Variants in ELMO1 observed in about 807,000 individuals in gnomAD.
ELMO1 encodes the protein engulfment and cell motility protein 1.
ELMO1 carries 26 observed loss-of-function variants against 98.9 expected under a neutral mutation model. The observed-to-expected ratio is 0.26, with a 90% CI of 0.19 to 0.36. The LOEUF (loss-of-function observed/expected upper bound fraction) is 0.36, where lower values mean the gene tolerates loss of function less well. Ranked by LOEUF, ELMO1 falls within the 10% of genes least tolerant of loss-of-function variation. The pLI, the probability that ELMO1 is intolerant of heterozygous loss-of-function variation, is 1.00. For synonymous variants in ELMO1, 346 were observed against 346.0 expected, an observed-to-expected ratio of 1.00 and a Z score of 0.00; for missense variants, 627 against 935.2, an observed-to-expected ratio of 0.67 and a Z score of 4.30.
At chr7:36,921,969 T>C (rs557261885) in intron 16 of ELMO1, among the ~76,000 whole-genome samples, 1 of 152,184 alleles carries the variant, frequency 6.6e-6, no homozygotes, top group Non-Finnish European at 1.5e-5. Flanking sequence ...TTTTCCCTAT[T>C]CCCCATCAAA....
chr7:37,294,051 T>C (rs952816755), intron 4 of ELMO1, among the ~76,000 whole-genome samples: 3 of 152,160 alleles, frequency 2.0e-5, no homozygotes, highest in Non-Finnish European at 4.4e-5. Flanking sequence ...TTTTCTCTCA[T>C]TCAGATGGCA....
At chr7:37,045,441 G>C (rs1262099746) in intron 15 of ELMO1, among the ~76,000 whole-genome samples, 1 of 152,124 alleles carries the variant, frequency 6.6e-6, no homozygotes, top group East Asian at 1.9e-4. Flanking sequence ...CTGTTGCCCA[G>C]AACTTATATG....
chr7:37,117,777 G>A (rs927058203), intron 14 of ELMO1, among the ~76,000 whole-genome samples: 5 of 152,154 alleles, frequency 3.3e-5, no homozygotes, highest in African/African-American at 9.7e-5. Flanking sequence ...AATGAATTAT[G>A]AGACAAAGAA....
intron 16 of ELMO1, among the ~76,000 whole-genome samples, chr7:36,922,347 C>CAA (rs750588423): frequency 0.027 from 2,331 of 85,230 alleles, 50 homozygotes; most frequent in South Asian, 0.042. Context: ...CACAGACTTG[C>CAA]AAAAAAAAAA....
At chr7:37,385,853 C>A (rs1261440932) in intron 1 of ELMO1, among the ~76,000 whole-genome samples, 1 of 152,228 alleles carries the variant, frequency 6.6e-6, no homozygotes, top group Non-Finnish European at 1.5e-5. Flanking sequence ...TGAGGAACCA[C>A]CTGGAGAACA....
In ELMO1 at chr7:36,862,575, C is replaced by T. The variant is rs116432797; in HGVS notation, c.1906-839G>A. Reference sequence around the variant, plus strand: ...CATGCTGTACCAATACTGGGTAAGACGATCATTCTAGTGGTCTGAGCGGTC... The same window carrying T: ...CATGCTGTACCAATACTGGGTAAGATGATCATTCTAGTGGTCTGAGCGGTC... On this transcript the variant is annotated intron_variant, in intron 20 of 21. Transcript: ENST00000310758. Among the ~76,000 whole-genome samples, 657 of 152,322 alleles carry T rather than the reference C, an allele frequency of 4.3e-3. 2 individuals are homozygous for T. The highest frequency in any genetic ancestry group is 0.015 in the African/African-American group (630 of 41,570).
chr7:37,363,658 C>A (rs1472323605), intron 1 of ELMO1, among the ~76,000 whole-genome samples: 1 of 152,206 alleles, frequency 6.6e-6, no homozygotes, highest in Non-Finnish European at 1.5e-5. Flanking sequence ...CACTCTAAAG[C>A]ACACCTACCT....
chr7:37,171,722 G>C (rs1790180495), intron 13 of ELMO1, among the ~76,000 whole-genome samples: 1 of 151,866 alleles, frequency 6.6e-6, no homozygotes, highest in South Asian at 2.1e-4. Context: ...TCGATCTCCT[G>C]ACCTCGTGAT....
chr7:36,948,881 A>T (rs1029160821), intron 16 of ELMO1, among the ~76,000 whole-genome samples: 1 of 151,862 alleles, frequency 6.6e-6, no homozygotes. Flanking sequence ...TTTGAAATGG[A>T]GTCTCGCTCT....
At chr7:37,436,556 A>C (rs1805151801) in intron 1 of ELMO1, among the ~76,000 whole-genome samples, 1 of 152,224 alleles carries the variant, frequency 6.6e-6, no homozygotes, top group Non-Finnish European at 1.5e-5. Context: ...AGGGCATTTT[A>C]GTGTCTAGAT....
intron 1 of ELMO1, among the ~76,000 whole-genome samples, chr7:37,344,283 C>T (rs764781701): frequency 1.3e-5 from 2 of 152,182 alleles, no homozygotes; most frequent in African/African-American, 4.8e-5. Context: ...CTGCCCTCCC[C>T]GGCCTCCTGA....
intron 15 of ELMO1, among the ~76,000 whole-genome samples, chr7:37,026,822 G>T (rs553892060): frequency 6.6e-6 from 1 of 151,986 alleles, no homozygotes; most frequent in Non-Finnish European, 1.5e-5. Context: ...GGATTCCCAC[G>T]CCTGATTAGA....
intron 16 of ELMO1, among the ~76,000 whole-genome samples, chr7:37,008,560 C>T (rs921195458): frequency 6.6e-6 from 1 of 151,952 alleles, no homozygotes; most frequent in East Asian, 1.9e-4. Flanking sequence ...CAGGCTTTAT[C>T]TTATTCAGTA....
chr7:36,998,783 C>T (rs750332288), intron 16 of ELMO1, among the ~76,000 whole-genome samples: 2 of 151,936 alleles, frequency 1.3e-5, no homozygotes, highest in Non-Finnish European at 2.9e-5. Flanking sequence ...AGTCCTATTT[C>T]TCTTCTTTTG....
chr7:36,946,138 T>C (rs1057051648), intron 16 of ELMO1, among the ~76,000 whole-genome samples: 2 of 152,234 alleles, frequency 1.3e-5, no homozygotes, highest in Non-Finnish European at 2.9e-5. Flanking sequence ...AATCAACACT[T>C]GGGCAGCCCT....
At chr7:37,054,044 G>A (rs75901288) in intron 15 of ELMO1, among the ~76,000 whole-genome samples, 4,683 of 152,130 alleles carry the variant, frequency 0.031, 118 homozygotes, top group African/African-American at 0.066. Flanking sequence ...TAAAAAATAC[G>A]CAGCTAAGGG....
At chr7:37,369,462 T>C (rs1802026700) in intron 1 of ELMO1, among the ~76,000 whole-genome samples, 1 of 152,158 alleles carries the variant, frequency 6.6e-6, no homozygotes, top group Admixed American at 6.5e-5. Flanking sequence ...ATACTCAACC[T>C]GTATTTAATA....
intron 16 of ELMO1, among the ~76,000 whole-genome samples, chr7:36,937,692 A>G (rs371145053): frequency 6.6e-5 from 10 of 152,240 alleles, no homozygotes; most frequent in African/African-American, 2.4e-4. Context: ...CTCTATTGAC[A>G]ATAGTGTATG....
At chr7:37,356,630 G>A (rs1801508849) in intron 1 of ELMO1, among the ~76,000 whole-genome samples, 1 of 151,996 alleles carries the variant, frequency 6.6e-6, no homozygotes, top group South Asian at 2.1e-4. Flanking sequence ...TGATAGGGGA[G>A]GGATGGAATT....
Sources: gnomAD v4.1 joint callset for allele counts (sites outside exome capture counted in the v4.1 genomes callset) on GRCh38, gnomAD v4.1.1 for gene constraint, MANE v1.5 for transcripts, NCBI Gene and HGNC (gene_info 2026-07-23, HGNC 2026-07-21) for gene names.